Variants in AKAP8L observed in about 807,000 individuals in gnomAD.
AKAP8L encodes A-kinase anchoring protein 8 like, also known as A-kinase anchor protein 8-like.
Under a neutral mutation model 77.5 loss-of-function variants are expected in AKAP8L, and 34 were observed. That is an observed-to-expected ratio of 0.44 (90% CI 0.33 to 0.58). The LOEUF (loss-of-function observed/expected upper bound fraction) is 0.58, where lower values mean the gene tolerates loss of function less well. AKAP8L is among the 20% of genes least tolerant of loss of function. AKAP8L has a pLI of 0.02. For missense variants in AKAP8L, 806 were observed against 887.6 expected (o/e 0.91, Z 1.17); for synonymous variants, 342 against 340.7 (o/e 1.00, Z -0.04).
chr19:15,386,481 C>T (rs945438579), intron 12 of AKAP8L, among the ~76,000 whole-genome samples: 20 of 152,268 alleles, frequency 1.3e-4, no homozygotes, highest in East Asian at 7.7e-4. Context: ...GCTACTAAAA[C>T]TCAGTTCCAT....
rs542385526 is a variant in AKAP8L, at chr19:15,399,023, G to A, written c.1157+279C>T. 1.7e-4 allele frequency: 80 copies of A among 461,272 alleles called. No homozygotes were observed. The highest frequency in any genetic ancestry group is 2.7e-4 in the Non-Finnish European group (68 of 252,744). 28.6% of individuals were successfully genotyped at this position (461,272 alleles called of 1,614,324 possible). On this transcript the variant is annotated intron_variant, in intron 9 of 13. Coordinates refer to ENST00000397410, the MANE Select transcript of AKAP8L (RefSeq NM_014371.4). This position sits in a 1 kb window ranked among gnomAD's most constrained non-coding sequence, Gnocchi z 6.1. The stretch of plus-strand genomic sequence containing the variant: ...CCCCAGTGCACCTTGGGGTTCGTGC[G>A]CCGAGTGACCTAGCGCCAGAGCTTC...
intron 12 of AKAP8L, among the ~76,000 whole-genome samples, chr19:15,387,883 T>G (rs1251817254): frequency 2.0e-5 from 3 of 151,004 alleles, no homozygotes; most frequent in Non-Finnish European, 4.4e-5. Context: ...TGCTTGAACC[T>G]GAGAGGTGGA....
chr19:15,408,568 AAAAAAAAAAAAGAAAG>A (rs1366097237), intron 2 of AKAP8L, among the ~76,000 whole-genome samples: 3 of 135,266 alleles, frequency 2.2e-5, no homozygotes, highest in Admixed American at 7.9e-5. Context: ...CATCTCAAAA[AAAAAAAAAAAAGAAAG>A]AAAGAAAGAA....
intron 12 of AKAP8L, among the ~76,000 whole-genome samples, chr19:15,381,438 A>G (rs182762835): frequency 6.6e-6 from 1 of 152,314 alleles, no homozygotes; most frequent in East Asian, 1.9e-4. Flanking sequence ...AAGGATTTCC[A>G]TCAATATGCT....
rs969353798 is a variant in AKAP8L at position 15,381,390 on chromosome 19, G to C, written c.1537-778C>G. Among the ~76,000 whole-genome samples, 64 of 152,152 alleles carry C rather than the reference G, an allele frequency of 4.2e-4. 1 individual carries two copies. The highest frequency in any genetic ancestry group is 3.1e-4 in the Non-Finnish European group (21 of 68,038). ...TGGCATAAGAAAGGTGTATAATATA[G>C]TACTGTCTGCAGAGCATGCCAGAGC... On this transcript the variant is annotated intron_variant, in intron 12 of 13. Coordinates refer to ENST00000397410, the MANE Select transcript of AKAP8L (RefSeq NM_014371.4).
intron 1 of AKAP8L, among the ~76,000 whole-genome samples, chr19:15,417,450 A>T (rs1968227234): frequency 6.6e-6 from 1 of 152,184 alleles, no homozygotes; most frequent in African/African-American, 2.4e-5. Context: ...TGTATACCGT[A>T]GCAGGGCAGC....
chr19:15,403,945 T>G lies in AKAP8L; in HGVS notation c.121+65A>C. 1.3e-6 allele frequency: 2 copies of G among 1,593,710 alleles called. No individual in the cohort carries two copies. Among genetic ancestry groups the G allele is most frequent in the Non-Finnish European group, 1.7e-6 (2 of 1,163,662 alleles). On this transcript the variant is annotated intron_variant, in intron 3 of 13. Transcript: ENST00000397410. The surrounding 1 kb of genome is among the most constrained non-coding windows in gnomAD (Gnocchi z 4.3). The stretch of plus-strand genomic sequence containing the variant: ...TCCCAACCTTGGCCAAGCAGGGCAG[T>G]GGCAGAGAAACACAGCCAGGACAAC...
Position 15,403,686 on chromosome 19 carries a change from A to T in AKAP8L, c.151T>A (p.Tyr51Asn). 6.3e-7 allele frequency: 1 copy of T among 1,590,696 alleles called. No homozygotes were observed. The highest frequency in any genetic ancestry group is 8.6e-7 in the Non-Finnish European group (1 of 1,168,390). The change falls in exon 4 of 14, where the codon TAT becomes AAT. Residue 51 changes from tyrosine to asparagine, a missense_variant. Around this residue, in one of 2 missense-constraint regions of AKAP8L, gnomAD observed 580 missense variants for 694.1 expected, o/e 0.84. Coordinates refer to ENST00000397410, the MANE Select transcript of AKAP8L (RefSeq NM_014371.4). The surrounding 1 kb of genome is among the most constrained non-coding windows in gnomAD (Gnocchi z 4.3). ...GYEGYGYGYG[Y>N]GQDNTTNYGY... ...TAGTTGGTGGTGTTATCCTGGCCAT[A>T]GCCATAGCCATAGCCATAGCCCTCG...
chr19:15,410,736 AT>A, intron 1 of AKAP8L, 142 bp from the exon 2 acceptor site: 1 of 644,886 alleles, frequency 1.6e-6, no homozygotes, highest in Non-Finnish European at 2.8e-6. Flanking sequence ...CCACAGTTTA[AT>A]TAGACCGTCA....
At chr19:15,392,765 G>A (rs1435829642) in intron 12 of AKAP8L, among the ~76,000 whole-genome samples, 1 of 150,912 alleles carries the variant, frequency 6.6e-6, no homozygotes, top group Non-Finnish European at 1.5e-5. Context: ...GCGTGGTGGT[G>A]CGTGCCTGTA....
intron 12 of AKAP8L, among the ~76,000 whole-genome samples, chr19:15,385,765 TTTA>T (rs1967521679): frequency 6.6e-6 from 1 of 151,190 alleles, no homozygotes; most frequent in Non-Finnish European, 1.5e-5. Flanking sequence ...GGCTAATTTT[TTTA>T]TTTTTAATTT....
chr19:15,395,717 G>C (rs2145124260), intron 12 of AKAP8L, among the ~76,000 whole-genome samples: 1 of 148,504 alleles, frequency 6.7e-6, no homozygotes, highest in Admixed American at 6.7e-5. Flanking sequence ...GGGCGCGGTG[G>C]CTCACGCCTG....
In AKAP8L at chr19:15,410,558, GT is replaced by G; in HGVS notation, c.49del (p.Thr17HisfsTer83). On this transcript the variant is annotated frameshift_variant, in exon 2 of 14. Coordinates refer to ENST00000397410, the MANE Select transcript of AKAP8L (RefSeq NM_014371.4). LOFTEE classifies it high-confidence loss of function. ...VQGSETTLQS[T>X]YSDTSAQPTC... is the part of the protein sequence containing the mutation. ...GGGCTGAGCGCTGGTATCCGAGTAT[GT>G]CGACTGCAAAGTGGTTTCAGATCCC... 1 of 1,593,846 alleles carries G rather than the reference GT, an allele frequency of 6.3e-7. No individual in the cohort carries two copies. The highest frequency in any genetic ancestry group is 8.5e-7 in the Non-Finnish European group (1 of 1,170,174).
In AKAP8L at chr19:15,399,295, T is replaced by C. The variant is rs777501437; in HGVS notation, c.1157+7A>G. On this transcript the variant is annotated splice_region_variant and intron_variant, in intron 9 of 13. Coordinates refer to ENST00000397410, the MANE Select transcript of AKAP8L (RefSeq NM_014371.4). The surrounding 1 kb of genome is among the most constrained non-coding windows in gnomAD (Gnocchi z 6.1). ...CAGAGGCAGAGGGGTGGAGGGAAGC[T>C]GGTTACCTTTCCACCATGCGGTCTC... 6.2e-7 allele frequency: 1 copy of C among 1,612,076 alleles called. No individual in the cohort carries two copies. Among genetic ancestry groups the C allele is most frequent in the South Asian group, 1.1e-5 (1 of 91,042 alleles).
chr19:15,417,962 C>G (rs1433560701), intron 1 of AKAP8L, among the ~76,000 whole-genome samples: 1 of 152,224 alleles, frequency 6.6e-6, no homozygotes, highest in African/African-American at 2.4e-5. Flanking sequence ...CACCCACTCT[C>G]CCTTTCAAAT....
chr19:15,385,131 C>G (rs1967504261), intron 12 of AKAP8L, among the ~76,000 whole-genome samples: 1 of 152,340 alleles, frequency 6.6e-6, no homozygotes, highest in South Asian at 2.1e-4. Context: ...GCGCCCACCA[C>G]CACGCCCGGC....
chr19:15,400,453 G>A (rs1388678545), intron 7 of AKAP8L, 95 bp from the exon 8 acceptor site: 2 of 1,271,784 alleles, frequency 1.6e-6, no homozygotes, highest in Middle Eastern at 1.9e-4. Flanking sequence ...TAGTAAAACA[G>A]CTGCTTGCTC....
chr19:15,397,160 C>T lies in AKAP8L; in HGVS notation c.1526G>A (p.Arg509Gln), dbSNP rs760114091. ...ACTGTGGCCACTCACCCTGCGGTTC[C>T]GGTTGTGATCCATGGTCTTCAGATG... ...QKHLKTMDHN[R>Q]NRRLMMEQSK... Residue 509 changes from arginine (R) to glutamine (Q), a missense_variant, in exon 12 of 14, where the codon CGG becomes CAG. Transcript: ENST00000397410. The surrounding 1 kb of genome is among the most constrained non-coding windows in gnomAD (Gnocchi z 4.7). The T allele has an allele frequency of 1.1e-5, 18 of 1,613,748 alleles. No homozygotes were observed. Among genetic ancestry groups the T allele is most frequent in the African/African-American group, 4.0e-5 (3 of 74,920 alleles).
Position 15,403,818 on chromosome 19 carries a change from A to G in AKAP8L, c.122-103T>C. On this transcript the variant is annotated intron_variant, in intron 3 of 13. Coordinates refer to ENST00000397410, the MANE Select transcript of AKAP8L (RefSeq NM_014371.4). This position sits in a 1 kb window ranked among gnomAD's most constrained non-coding sequence, Gnocchi z 4.3. ...GATACAAGGGTATCTTCTGTCACAG[A>G]GAGAGAAGACCCTAGCCACTGAAGC... is the stretch of plus-strand genomic sequence containing the variant. 1 of 1,131,714 alleles carries G rather than the reference A, an allele frequency of 8.8e-7. No homozygotes were observed. Among genetic ancestry groups the G allele is most frequent in the Non-Finnish European group, 1.3e-6 (1 of 773,512 alleles). 70.1% of individuals were successfully genotyped at this position (1,131,714 alleles called of 1,614,324 possible).
Sources: gnomAD v4.1 joint callset for allele counts (sites outside exome capture counted in the v4.1 genomes callset) on GRCh38, gnomAD v4.1.1 for gene constraint, gnomAD v4.1.1 regional missense constraint, Gnocchi (gnomAD v3.1) non-coding constraint, MANE v1.5 for transcripts, NCBI Gene and HGNC (gene_info 2026-07-23, HGNC 2026-07-21) for gene names.